The following EML2 variants were observed in gnomAD, a reference collection of about 807,000 sequenced individuals.
The protein encoded by EML2 is EMAP like 2.
EML2 carries 59 observed loss-of-function variants against 84.7 expected under a neutral mutation model. That is an observed-to-expected ratio of 0.70 (90% CI 0.56 to 0.86). EML2 has a LOEUF of 0.86. Among genes scored for constraint, EML2 ranks in the 40% least tolerant of loss-of-function variants. The pLI is 0.00. For missense variants in EML2, 818 were observed against 855.6 expected (o/e 0.96, Z 0.55); for synonymous variants, 352 against 348.9 (o/e 1.01, Z -0.10).
chr19:45,641,806 G>A (rs1210730181), upstream of EML2: 2 of 1,524,706 alleles, frequency 1.3e-6, no homozygotes, highest in East Asian at 2.5e-5. Context: ...CGAGTGCCGT[G>A]AGCAAGCGAG....
chr19:45,612,797 C>T (rs1465865816), intron 18 of EML2, among the ~76,000 whole-genome samples: 1 of 152,170 alleles, frequency 6.6e-6, no homozygotes, highest in African/African-American at 2.4e-5. Context: ...CTGTACTAGT[C>T]TTTCTGCTTT....
rs749009549 is a variant in EML2 at position 45,621,463 on chromosome 19, A to G, written c.996+20T>C. The G allele has an allele frequency of 3.1e-6, 5 of 1,604,252 alleles. No individual in the cohort carries two copies. Among genetic ancestry groups the G allele is most frequent in the African/African-American group, 2.7e-5 (2 of 74,926 alleles). ...GGGGGGGCCTCTCTACCCCCATCTGAGCCCACTGCCCCTCCTCACCTCCAC... is the reference window on the plus strand; with the variant it reads ...GGGGGGGCCTCTCTACCCCCATCTGGGCCCACTGCCCCTCCTCACCTCCAC... On this transcript the variant is annotated intron_variant, in intron 10 of 18. Transcript: ENST00000245925.
chr19:45,624,610 G>A (rs117025299), intron 9 of EML2, 109 bp downstream of exon 9: 2 of 758,872 alleles, frequency 2.6e-6, no homozygotes, highest in Non-Finnish European at 4.4e-6. Flanking sequence ...GTTGGAATCG[G>A]ACATCCATTT....
Position 45,617,635 on chromosome 19 carries a change from A to G in EML2, c.1317T>C (p.Thr439=). 1.2e-6 allele frequency: 2 copies of G among 1,613,798 alleles called. No individual in the cohort carries two copies. Among genetic ancestry groups the G allele is most frequent in the Non-Finnish European group, 1.7e-6 (2 of 1,179,828 alleles). ...SGSVLAVGTV[T]GRWLLLDTET... ...AATGCTCTCCTCAGCTTTACCTGCC[A>G]GTCACTGTACCCACAGCCAGGACAG... The change falls in exon 13 of 19, where the codon ACT becomes ACC. Residue 439 remains threonine, a synonymous_variant. Coordinates refer to ENST00000245925, the MANE Select transcript of EML2 (RefSeq NM_012155.4).
chr19:45,619,982 C>T (rs1024123940), intron 11 of EML2, among the ~76,000 whole-genome samples: 5 of 151,868 alleles, frequency 3.3e-5, no homozygotes, highest in African/African-American at 4.8e-5. Context: ...GCCCAGGAGA[C>T]GGAGGTTGCA....
chr19:45,643,461 A>T, upstream of EML2: 1 of 1,321,538 alleles, frequency 7.6e-7, no homozygotes, highest in Non-Finnish European at 1.0e-6. Flanking sequence ...TCTCCAGCCT[A>T]TGGGTGCAGC....
At position 45,626,695 on chromosome 19, in the gene EML2, T is replaced by A; in HGVS notation, c.741+10A>T. On this transcript the variant is annotated intron_variant, in intron 8 of 18. Coordinates refer to ENST00000245925, the MANE Select transcript of EML2 (RefSeq NM_012155.4). ...AGGGCCAGCCTGTCCCCCAAACCCC[T>A]GGCACTCACCTCAAAGAGGCCTTGC... 1 of 1,612,098 alleles carries A rather than the reference T, an allele frequency of 6.2e-7. No individual in the cohort carries two copies. The highest frequency in any genetic ancestry group is 1.1e-5 in the South Asian group (1 of 90,838).
chr19:45,643,553 C>A (rs1354136580), upstream of EML2: 5 of 1,536,026 alleles, frequency 3.3e-6, no homozygotes, highest in Non-Finnish European at 4.4e-6. Context: ...GGCCCCTCTC[C>A]CCCTTTTCCC....
At chr19:45,641,516 C>T, upstream of EML2, 1 of 945,954 alleles carries the variant, frequency 1.1e-6, no homozygotes, top group Non-Finnish European at 1.6e-6. Context: ...GCTCTGGCAC[C>T]GTCCCCGCTT....
At chr19:45,643,831 G>C, upstream of EML2, 2 of 1,370,416 alleles carry the variant, frequency 1.5e-6, no homozygotes, top group African/African-American at 2.9e-5. Flanking sequence ...GCCTGGACCT[G>C]CAGAGGGAGG....
At chr19:45,634,101 A>G (rs1254275510) in intron 4 of EML2, among the ~76,000 whole-genome samples, 1 of 152,068 alleles carries the variant, frequency 6.6e-6, no homozygotes, top group African/African-American at 2.4e-5. Context: ...TTACCACCAC[A>G]CCCAACTAAA....
At chr19:45,616,238 G>A (rs1158488528) in intron 15 of EML2, 4 of 560,838 alleles carry the variant, frequency 7.1e-6, no homozygotes, top group Non-Finnish European at 1.3e-5. Flanking sequence ...CGTGAGGGGC[G>A]GGGCTACACA....
At chr19:45,620,827 A>T (rs1600112130) in intron 11 of EML2, 1 of 365,076 alleles carries the variant, frequency 2.7e-6, no homozygotes. Flanking sequence ...CAGGCGTTTG[A>T]GCTTCGAGAA....
chr19:45,645,484 G>A (rs971622583), upstream of EML2: 36 of 1,407,520 alleles, frequency 2.6e-5, no homozygotes, highest in Non-Finnish European at 3.1e-5. Context: ...GCCGGCGCCG[G>A]GCCCGGCGCT....
In EML2 at chr19:45,638,834, T is replaced by A. The variant is rs199592530; in HGVS notation, c.49+11A>T. On this transcript the variant is annotated intron_variant, in intron 2 of 18. Transcript: ENST00000245925. ...AGCTTCCACCGAGCCCTTCCCCATCTCCCCACTCACCCACACTGAAGATAA... is the reference window on the plus strand; with the variant it reads ...AGCTTCCACCGAGCCCTTCCCCATCACCCCACTCACCCACACTGAAGATAA... 6.2e-7 allele frequency: 1 copy of A among 1,611,364 alleles called. No individual in the cohort carries two copies. The highest frequency in any genetic ancestry group is 8.5e-7 in the Non-Finnish European group (1 of 1,179,396).
chr19:45,633,359 G>C (rs16979954), intron 4 of EML2, among the ~76,000 whole-genome samples: 60,871 of 151,986 alleles, frequency 0.4, 12,463 homozygotes, highest in East Asian at 0.52. Context: ...GCAGGACGCA[G>C]GTCTGTACCT....
At chr19:45,616,951 C>T (rs1003490365) in intron 13 of EML2, 98 bp from the exon 14 acceptor site, 1 of 889,278 alleles carries the variant, frequency 1.1e-6, no homozygotes, top group Admixed American at 2.0e-5. Flanking sequence ...AGAGGGACCC[C>T]AGAAGTGACC....
chr19:45,633,698 A>G (rs1019641324), intron 4 of EML2, among the ~76,000 whole-genome samples: 1 of 152,072 alleles, frequency 6.6e-6, no homozygotes, highest in African/African-American at 2.4e-5. Context: ...AGATCGTGCC[A>G]CTGGACTCCA....
upstream of EML2, chr19:45,641,599 T>A: frequency 3.3e-6 from 5 of 1,523,936 alleles, no homozygotes; most frequent in Non-Finnish European, 4.4e-6. Context: ...GACCATTTCC[T>A]CCCTATCTCT....
Sources: allele counts gnomAD v4.1 joint callset (sites outside exome capture counted in the v4.1 genomes callset), GRCh38; gene constraint gnomAD v4.1.1; transcripts MANE v1.5; gene names NCBI Gene and HGNC (gene_info 2026-07-23, HGNC 2026-07-21).